Variants in CDH1 observed in about 807,000 individuals in gnomAD.
The protein encoded by CDH1 is cadherin-1.
CDH1 carries 35 observed loss-of-function variants against 84.5 expected under a neutral mutation model. That is an observed-to-expected ratio of 0.41 (90% CI 0.32 to 0.55). The LOEUF is 0.55. CDH1 is among the 20% of genes least tolerant of loss of function. CDH1 has a pLI of 0.19. For missense variants in CDH1, 994 were observed against 1,126.6 expected, an observed-to-expected ratio of 0.88 and a Z score of 1.68; for synonymous variants, 417 against 439.0, an observed-to-expected ratio of 0.95 and a Z score of 0.63.
chr16:68,815,705 A>G lies in CDH1; in HGVS notation c.1511A>G (p.Glu504Gly). The G allele has an allele frequency of 6.2e-7, 1 of 1,614,264 alleles. No individual in the cohort carries two copies. The highest frequency in any genetic ancestry group is 8.5e-7 in the Non-Finnish European group (1 of 1,180,052). Residue 504 changes from glutamate (E) to glycine (G), a missense_variant, in exon 10 of 16, where the codon GAA becomes GGA. Physicochemically the swap from Glu to Gly is moderately conservative, Grantham distance 98 (BLOSUM62 -2). Coordinates refer to ENST00000261769, the MANE Select transcript of CDH1 (RefSeq NM_004360.5). The stretch of plus-strand genomic sequence containing the variant: ...TCCGAGGACTTTGGCGTGGGCCAGG[A>G]AATCACATCCTACACTGCCCAGGAG... Reference protein sequence around the residue: ...EVSEDFGVGQEITSYTAQEPD... With the variant: ...EVSEDFGVGQGITSYTAQEPD...
chr16:68,801,774 C>A lies in CDH1; in HGVS notation c.268C>A (p.Arg90=), dbSNP rs730881661. Residue 90 remains arginine (R), a synonymous_variant, in exon 3 of 16, where the codon CGG becomes AGG. Transcript: ENST00000261769. ...TGTGATTACAGTCAAAAGGCCTCTA[C>A]GGTTTCATAACCCACAGATCCATTT... ...DGVITVKRPL[R]FHNPQIHFLV... The A allele has an allele frequency of 1.2e-6, 2 of 1,614,134 alleles. No homozygotes were observed. The highest frequency in any genetic ancestry group is 1.7e-6 in the Non-Finnish European group (2 of 1,179,974).
intron 10 of CDH1, among the ~76,000 whole-genome samples, chr16:68,816,465 G>T (rs371249409): frequency 6.6e-6 from 1 of 152,190 alleles, no homozygotes; most frequent in Non-Finnish European, 1.5e-5. Context: ...CTCATTTTGG[G>T]TTGGGCATAG....
chr16:68,823,693 A>T, intron 13 of CDH1, 67 bp downstream of exon 13: 1 of 1,084,156 alleles, frequency 9.2e-7, no homozygotes, highest in Non-Finnish European at 1.4e-6. Flanking sequence ...TTTCCTGGAA[A>T]TGATTTTTGT....
intron 2 of CDH1, among the ~76,000 whole-genome samples, chr16:68,799,799 G>C (rs978445830): frequency 6.6e-6 from 1 of 152,034 alleles, no homozygotes; most frequent in African/African-American, 2.4e-5. Context: ...GATCACCTGA[G>C]GTCAGGAGTT....
intron 2 of CDH1, among the ~76,000 whole-genome samples, chr16:68,764,241 C>A (rs554299838): frequency 1.2e-4 from 18 of 152,240 alleles, no homozygotes; most frequent in Admixed American, 8.5e-4. Flanking sequence ...GGAGTCATCC[C>A]AGATGACATT....
chr16:68,759,309 G>T (rs57526595), intron 2 of CDH1, among the ~76,000 whole-genome samples: 1 of 152,006 alleles, frequency 6.6e-6, no homozygotes, highest in African/African-American at 2.4e-5. Context: ...ACCAGCCTGG[G>T]CAACATAGCA....
intron 3 of CDH1, among the ~76,000 whole-genome samples, chr16:68,805,131 G>C (rs1320593142): frequency 6.6e-6 from 1 of 150,844 alleles, no homozygotes; most frequent in Non-Finnish European, 1.5e-5. Context: ...TCTCAGTCTG[G>C]CATCCTTCCT....
At chr16:68,762,405 A>G (rs1959241975) in intron 2 of CDH1, among the ~76,000 whole-genome samples, 2 of 152,112 alleles carry the variant, frequency 1.3e-5, no homozygotes, top group Admixed American at 1.3e-4. Flanking sequence ...CCTGGCATGT[A>G]GTTGCCACTC....
At chr16:68,811,152 CT>C (rs1269011385) in intron 6 of CDH1, among the ~76,000 whole-genome samples, 2 of 151,958 alleles carry the variant, frequency 1.3e-5, no homozygotes, top group Admixed American at 6.6e-5. Context: ...AACCCCAGCA[CT>C]TTGGGAGGCC....
intron 2 of CDH1, among the ~76,000 whole-genome samples, chr16:68,761,911 A>G (rs964555606): frequency 1.3e-5 from 2 of 152,170 alleles, no homozygotes; most frequent in African/African-American, 4.8e-5. Flanking sequence ...ACCCATCACC[A>G]GGACTTTGTC....
intron 2 of CDH1, among the ~76,000 whole-genome samples, chr16:68,775,135 A>AG (rs1959693902): frequency 6.6e-6 from 1 of 151,994 alleles, no homozygotes; most frequent in African/African-American, 2.4e-5. Flanking sequence ...CAAAAAAAAA[A>AG]AAAAAAGAAA....
Position 68,811,767 on chromosome 16 carries a change from A to C in CDH1, c.916A>C (p.Ser306Arg). ...TGCCGCCATCGCTTACACCATCCTCAGCCAAGATCCTGAGCTCCCTGACAA... is the reference window on the plus strand; with the variant it reads ...TGCCGCCATCGCTTACACCATCCTCCGCCAAGATCCTGAGCTCCCTGACAA... ...YNAAIAYTILSQDPELPDKNM... is the reference protein window; with the variant it reads ...YNAAIAYTILRQDPELPDKNM... The change falls in exon 7 of 16, where the codon AGC becomes CGC. Residue 306 changes from serine to arginine, a missense_variant. Transcript: ENST00000261769. The C allele has an allele frequency of 6.2e-7, 1 of 1,614,156 alleles. No individual in the cohort carries two copies. Among genetic ancestry groups the C allele is most frequent in the Non-Finnish European group, 8.5e-7 (1 of 1,180,014 alleles).
At position 68,738,964 on chromosome 16, in the gene CDH1, T is replaced by TTTTTTTTTTTTTTTTTTTTA. The variant is rs555202424; in HGVS notation, c.163+553_163+554insTTTTTTTTTTTTTTTTTTTA. ...TTTTTTTTTTTTTTTTTTTTTTTTT[T>TTTTTTTTTTTTTTTTTTTTA]AAAGACAGGGTCTTGCTCTGTTGCC... is the stretch of plus-strand genomic sequence containing the variant. On this transcript the variant is annotated intron_variant, in intron 2 of 15. Coordinates refer to ENST00000261769, the MANE Select transcript of CDH1 (RefSeq NM_004360.5). Among the ~76,000 whole-genome samples the TTTTTTTTTTTTTTTTTTTTA allele has an allele frequency of 4.0e-4, 26 of 65,410 alleles. 11 individuals are homozygous for TTTTTTTTTTTTTTTTTTTTA. Among genetic ancestry groups the TTTTTTTTTTTTTTTTTTTTA allele is most frequent in the Non-Finnish European group, 6.2e-4 (22 of 35,548 alleles). The allele number at this position is 65,410 out of a possible 152,430, so 42.9% of individuals were successfully genotyped here. A position where few individuals can be genotyped will look rare whatever the true frequency, so the allele number is the denominator to read the frequency against.
At chr16:68,745,556 ATATATATG>A (rs1432058872) in intron 2 of CDH1, among the ~76,000 whole-genome samples, 360 of 29,144 alleles carry the variant, frequency 0.012, 7 homozygotes, top group African/African-American at 0.027. Context: ...AAAAATATAT[ATATATATG>A]TATATATATA....
Position 68,834,544 on chromosome 16 carries a change from C to G in CDH1, c.*1045C>G. On this transcript the variant is annotated 3_prime_UTR_variant, in exon 16 of 16. Coordinates refer to ENST00000261769, the MANE Select transcript of CDH1 (RefSeq NM_004360.5). ...CATGTTTTAATATCAACTCTCACTC[C>G]TGAATTCAGTTGCTTTGCCCAAGAT... 1 of 260,706 alleles carries G rather than the reference C, an allele frequency of 3.8e-6. No homozygotes were observed. The highest frequency in any genetic ancestry group is 7.4e-6 in the Non-Finnish European group (1 of 134,336). 16.1% of individuals were successfully genotyped at this position (260,706 alleles called of 1,614,324 possible). A position where few individuals can be genotyped will look rare whatever the true frequency, so the allele number is the denominator to read the frequency against.
chr16:68,780,173 T>C (rs764429941), intron 2 of CDH1, among the ~76,000 whole-genome samples: 1 of 151,972 alleles, frequency 6.6e-6, no homozygotes, highest in Non-Finnish European at 1.5e-5. Flanking sequence ...TTCCCTCCCT[T>C]CCAGCAAGTC....
At chr16:68,814,605 C>G (rs974788266) in intron 9 of CDH1, 1 of 152,132 alleles carries the variant, frequency 6.6e-6, no homozygotes, top group African/African-American at 2.4e-5. Context: ...AAAAGAAGTA[C>G]TATCTGCTTT....
At chr16:68,823,864 A>G (rs1203501388) in intron 13 of CDH1, among the ~76,000 whole-genome samples, 1 of 152,018 alleles carries the variant, frequency 6.6e-6, no homozygotes, top group African/African-American at 2.4e-5. Context: ...GGTTTCTTCT[A>G]CCTTGTCTCT....
chr16:68,784,504 C>T (rs35241154), intron 2 of CDH1, among the ~76,000 whole-genome samples: 413 of 152,140 alleles, frequency 2.7e-3, no homozygotes, highest in African/African-American at 9.4e-3. Context: ...CCACATGGAC[C>T]CCTCCCTCTG....
Sources: allele counts gnomAD v4.1 joint callset (sites outside exome capture counted in the v4.1 genomes callset), GRCh38; gene constraint gnomAD v4.1.1; transcripts MANE v1.5; gene names NCBI Gene and HGNC (gene_info 2026-07-23, HGNC 2026-07-21).